Variants in DAPK2 observed in about 807,000 individuals in gnomAD.
DAPK2 encodes the protein death-associated protein kinase 2.
DAPK2 carries 35 observed loss-of-function variants against 44.1 expected under a neutral mutation model. That is an observed-to-expected ratio of 0.79 (90% confidence interval 0.61 to 1.05). The LOEUF is 1.05. DAPK2 is among the 50% of genes least tolerant of loss of function. The pLI is 0.00. For missense variants in DAPK2, 453 were observed against 483.2 expected, an observed-to-expected ratio of 0.94 and a Z score of 0.59; for synonymous variants, 174 against 182.6, an observed-to-expected ratio of 0.95 and a Z score of 0.38.
chr15:63,946,263 C>T (rs991370742), intron 3 of DAPK2, among the ~76,000 whole-genome samples: 3 of 152,234 alleles, frequency 2.0e-5, no homozygotes, highest in African/African-American at 7.2e-5. Context: ...GGTGGTTGTC[C>T]GGTGGGGCAC....
intron 2 of DAPK2, among the ~76,000 whole-genome samples, chr15:63,979,064 G>A (rs12101496): frequency 0.044 from 6,634 of 152,274 alleles, 481 homozygotes; most frequent in African/African-American, 0.15. Context: ...TCTCTGGTAT[G>A]CAACCACCAC....
intron 3 of DAPK2, among the ~76,000 whole-genome samples, chr15:63,960,141 T>C (rs1428992343): frequency 6.6e-6 from 1 of 152,254 alleles, no homozygotes; most frequent in Non-Finnish European, 1.5e-5. Context: ...TTTATTTGCG[T>C]AGAGGTGTTT....
Position 63,912,324 on chromosome 15 carries a change from G to A in DAPK2, c.859-127C>T. Reference sequence around the variant, plus strand: ...GCTTGACCCTGGCATCTCCCCGCCAGGTGGGGCACACCGTGGGAGCATCAC... The same window carrying A: ...GCTTGACCCTGGCATCTCCCCGCCAAGTGGGGCACACCGTGGGAGCATCAC... On this transcript the variant is annotated intron_variant, in intron 8 of 10. Coordinates refer to ENST00000261891, the Ensembl canonical transcript of DAPK2. This position sits in a 1 kb window ranked among gnomAD's most constrained non-coding sequence, Gnocchi z 4.4. The A allele has an allele frequency of 1.2e-6, 1 of 823,814 alleles. No homozygotes were observed. The highest frequency in any genetic ancestry group is 3.1e-4 in the Middle Eastern group (1 of 3,202). 51.0% of individuals were successfully genotyped at this position (823,814 alleles called of 1,614,324 possible).
At chr15:64,042,075 TG>T (rs1359141331), upstream of DAPK2, among the ~76,000 whole-genome samples, 6 of 152,176 alleles carry the variant, frequency 3.9e-5, no homozygotes, top group Non-Finnish European at 1.5e-5. This position sits in a 1 kb window ranked among gnomAD's most constrained non-coding sequence, Gnocchi z 4.7. Flanking sequence ...CCACAGCAGG[TG>T]GGTACCCTCT....
At chr15:63,958,528 G>A (rs1428934808) in intron 3 of DAPK2, among the ~76,000 whole-genome samples, 1 of 152,132 alleles carries the variant, frequency 6.6e-6, no homozygotes, top group Admixed American at 6.5e-5. Flanking sequence ...ATTAATTTTT[G>A]TATAAGGTGT....
At position 63,991,420 on chromosome 15, in the gene DAPK2, G is replaced by A. The variant is rs547962310; in HGVS notation, c.93-7666C>T. ...TCCCAGCTAATGACCCAGGCCCCTC[G>A]TTTCATGAGCCTGTTTCCCCTCCCT... is the stretch of plus-strand genomic sequence containing the variant. On this transcript the variant is annotated intron_variant, in intron 1 of 10. Transcript: ENST00000261891. 1.9e-4 allele frequency: 85 copies of A among 439,450 alleles called. 1 individual carries two copies. Among genetic ancestry groups the A allele is most frequent in the Admixed American group, 1.7e-3 (70 of 40,766 alleles). The allele number at this position is 439,450 out of a possible 1,614,324, so 27.2% of individuals were successfully genotyped here. A position where few individuals can be genotyped will look rare whatever the true frequency, so the allele number is the denominator to read the frequency against.
chr15:63,962,647 C>T (rs1359758571), intron 3 of DAPK2, among the ~76,000 whole-genome samples: 1 of 152,318 alleles, frequency 6.6e-6, no homozygotes, highest in East Asian at 1.9e-4. Flanking sequence ...GTATCACCAG[C>T]GGAGGCTGCA....
rs1266286510 is a variant in DAPK2 at position 64,013,650 on chromosome 15, TAA to T, written c.92+26518_92+26519del. Among the ~76,000 whole-genome samples the T allele has an allele frequency of 2.6e-5, 4 of 152,216 alleles. No homozygotes were observed. Among genetic ancestry groups the T allele is most frequent in the Non-Finnish European group, 5.9e-5 (4 of 68,040 alleles). ...GCGCCAGATAAGAATGCATTCCTTC[TAA>T]AATGATTGCAGACCTGGGAAGGAGG... On this transcript the variant is annotated intron_variant, in intron 1 of 10. Transcript: ENST00000261891. The surrounding 1 kb of genome is among the most constrained non-coding windows in gnomAD (Gnocchi z 4.7).
chr15:64,026,626 A>T (rs1305119451), intron 1 of DAPK2, among the ~76,000 whole-genome samples: 3 of 151,912 alleles, frequency 2.0e-5, no homozygotes, highest in African/African-American at 7.3e-5. Context: ...TCTCAAAAGC[A>T]CTCCCCATCC....
At chr15:63,950,939 C>T (rs2077569982) in intron 3 of DAPK2, among the ~76,000 whole-genome samples, 1 of 152,210 alleles carries the variant, frequency 6.6e-6, no homozygotes, top group African/African-American at 2.4e-5. Flanking sequence ...CAGACTTCAT[C>T]ACACATTATT....
chr15:63,978,530 C>T (rs951382012), intron 2 of DAPK2, among the ~76,000 whole-genome samples: 2 of 152,100 alleles, frequency 1.3e-5, no homozygotes, highest in East Asian at 3.9e-4. Context: ...AAGAAGGGAA[C>T]AGCCACTGTG....
At chr15:63,973,365 G>C (rs2140762957) in intron 2 of DAPK2, among the ~76,000 whole-genome samples, 2 of 152,316 alleles carry the variant, frequency 1.3e-5, no homozygotes, top group Non-Finnish European at 2.9e-5. Flanking sequence ...AAGCTGCAGG[G>C]GCAAGACCTC....
intron 3 of DAPK2, among the ~76,000 whole-genome samples, chr15:63,957,198 C>A (rs2077748261): frequency 6.6e-6 from 1 of 152,130 alleles, no homozygotes; most frequent in Non-Finnish European, 1.5e-5. Flanking sequence ...AAGTTTTTAT[C>A]CTGAAATCTA....
chr15:63,923,103 A>C lies in DAPK2; in HGVS notation c.858+1713T>G, dbSNP rs539291728. On this transcript the variant is annotated intron_variant, in intron 8 of 10. Transcript: ENST00000261891. This position sits in a 1 kb window ranked among gnomAD's most constrained non-coding sequence, Gnocchi z 4.2. ...CGGTACCAAGCTTCCTTCTCATTGA[A>C]GATGGAGACCAGGGCCTCCACATCG... The C allele has an allele frequency of 8.5e-6, 13 of 1,535,892 alleles. No individual in the cohort carries two copies. In the East Asian group the frequency reaches 3.2e-4, roughly 38 times the overall value.
rs758204210 is a variant in DAPK2, at chr15:63,912,078, T to G, written c.948+30A>C. Reference sequence around the variant, plus strand: ...AGAAACCCCGCCCTAGCCCCCACCCTGTCCCCCGCCGCCCCAACCCTGGAC... The same window carrying G: ...AGAAACCCCGCCCTAGCCCCCACCCGGTCCCCCGCCGCCCCAACCCTGGAC... On this transcript the variant is annotated intron_variant, in intron 9 of 10. Coordinates refer to ENST00000261891, the Ensembl canonical transcript of DAPK2. This position sits in a 1 kb window ranked among gnomAD's most constrained non-coding sequence, Gnocchi z 4.4. The G allele has an allele frequency of 1.1e-5, 7 of 665,030 alleles. No homozygotes were observed. The highest frequency in any genetic ancestry group is 1.7e-5 in the Non-Finnish European group (7 of 408,660). The allele number at this position is 665,030 out of a possible 1,614,324, so 41.2% of individuals were successfully genotyped here.
At chr15:63,929,745 C>G (rs747589487) in intron 5 of DAPK2, 168 bp from the exon 7 acceptor site, 1 of 800,130 alleles carries the variant, frequency 1.2e-6, no homozygotes, top group African/African-American at 1.7e-5. Flanking sequence ...CAGCAGCAGC[C>G]CGGGGTGTGT....
At chr15:63,936,073 C>T (rs773120256) in intron 4 of DAPK2, 3 of 152,086 alleles carry the variant, frequency 2.0e-5, no homozygotes, top group Non-Finnish European at 4.4e-5. Flanking sequence ...TATTTATATT[C>T]CACTAGTGTA....
At chr15:64,014,727 C>G (rs537669285) in intron 1 of DAPK2, among the ~76,000 whole-genome samples, 157 of 152,292 alleles carry the variant, frequency 1.0e-3, no homozygotes, top group African/African-American at 3.6e-3. Context: ...CGAGACCAGC[C>G]TGGTCAACAT....
intron 2 of DAPK2, among the ~76,000 whole-genome samples, chr15:63,979,929 C>T (rs950368437): frequency 2.0e-5 from 3 of 151,902 alleles, no homozygotes; most frequent in African/African-American, 7.3e-5. Flanking sequence ...AACAAACAAA[C>T]AAACAAAAAC....
Sources: gnomAD v4.1 joint callset for allele counts (sites outside exome capture counted in the v4.1 genomes callset) on GRCh38, gnomAD v4.1.1 for gene constraint, Gnocchi (gnomAD v3.1) non-coding constraint, MANE v1.5 for transcripts, NCBI Gene and HGNC (gene_info 2026-07-23, HGNC 2026-07-21) for gene names.